GPHN: variants seen among roughly 807,000 people sequenced by gnomAD.
GPHN encodes gephyrin.
A neutral mutation model predicts 95.5 loss-of-function variants in GPHN; 17 were observed. The observed-to-expected ratio is 0.18, with a 90% CI of 0.12 to 0.27. The LOEUF is 0.27. Among genes scored for constraint, GPHN ranks in the 10% least tolerant of loss-of-function variants. The pLI, the probability that GPHN is intolerant of heterozygous loss-of-function variation, is 1.00. For missense variants in GPHN, 660 were observed against 978.1 expected, an observed-to-expected ratio of 0.67 and a Z score of 4.34; for synonymous variants, 320 against 322.5, an observed-to-expected ratio of 0.99 and a Z score of 0.08.
At chr14:66,931,264 G>A (rs557763017) in intron 8 of GPHN, among the ~76,000 whole-genome samples, 2 of 152,088 alleles carry the variant, frequency 1.3e-5, no homozygotes, top group Admixed American at 1.3e-4. Context: ...TTCTCTTGAT[G>A]CTTTTAGGAT....
At chr14:66,962,929 G>A (rs1334382281) in intron 8 of GPHN, among the ~76,000 whole-genome samples, 1 of 151,672 alleles carries the variant, frequency 6.6e-6, no homozygotes, top group East Asian at 1.9e-4. Context: ...CAGCATAATA[G>A]GTATAATCCT....
rs187818250 is a variant in GPHN at position 66,684,750 on chromosome 14, T to C, written c.143+3565T>C. Among the ~76,000 whole-genome samples, 3 of 84,502 alleles carry C rather than the reference T, an allele frequency of 3.6e-5. No homozygotes were observed. The East Asian group carries it at 6.3e-4, about 18-fold the overall frequency. The allele number at this position is 84,502 out of a possible 152,430, so 55.4% of individuals were successfully genotyped here. A position where few individuals can be genotyped will look rare whatever the true frequency, so the allele number is the denominator to read the frequency against. On this transcript the variant is annotated intron_variant, in intron 2 of 22. Transcript: ENST00000478722. ...TTCTGGTCTTGCTACTAACTTTTCT[T>C]TTTTTTTTTTCTTCTTATACTTTAA...
At chr14:66,624,644 G>C (rs918217510) in intron 1 of GPHN, among the ~76,000 whole-genome samples, 21 of 152,230 alleles carry the variant, frequency 1.4e-4, no homozygotes, top group African/African-American at 5.1e-4. Flanking sequence ...TTCAGTCTGT[G>C]TGCCAAATTT....
the GPHN span, among the ~76,000 whole-genome samples, chr14:67,695,154 G>GTA: frequency 6.6e-6 from 1 of 152,188 alleles, no homozygotes; most frequent in Non-Finnish European, 1.5e-5. Flanking sequence ...ACAAGCGATT[G>GTA]TAACAGCAAC....
chr14:67,594,223 C>A, the GPHN span, among the ~76,000 whole-genome samples: 1 of 152,174 alleles, frequency 6.6e-6, no homozygotes, highest in Non-Finnish European at 1.5e-5. Context: ...GTAGCTTGCA[C>A]CTGTAATTCC....
At chr14:66,744,393 T>A (rs1000520083) in intron 2 of GPHN, among the ~76,000 whole-genome samples, 4 of 152,210 alleles carry the variant, frequency 2.6e-5, no homozygotes, top group Non-Finnish European at 4.4e-5. Context: ...CAGCATTACC[T>A]GTAATTTAAA....
At chr14:67,068,303 A>G (rs1298199711) in intron 11 of GPHN, among the ~76,000 whole-genome samples, 1 of 151,964 alleles carries the variant, frequency 6.6e-6, no homozygotes, top group Admixed American at 6.6e-5. Flanking sequence ...TGAATTTTCT[A>G]TTTTCTCTGG....
chr14:67,637,989 C>T, the GPHN span, among the ~76,000 whole-genome samples: 3 of 152,142 alleles, frequency 2.0e-5, no homozygotes, highest in African/African-American at 4.8e-5. Flanking sequence ...TCTCCCGCTG[C>T]CTTGAACCTG....
the GPHN span, among the ~76,000 whole-genome samples, chr14:67,486,297 A>G: frequency 0.018 from 2,799 of 152,214 alleles, 96 homozygotes; most frequent in African/African-American, 0.064. Flanking sequence ...TTGTTTTGAG[A>G]CAGAGTCTTG....
At chr14:67,094,742 A>G (rs554863229) in intron 12 of GPHN, among the ~76,000 whole-genome samples, 1 of 152,340 alleles carries the variant, frequency 6.6e-6, no homozygotes, top group Admixed American at 6.5e-5. Context: ...AGACTCTTAC[A>G]TGATGGTGGT....
chr14:67,035,170 A>G (rs2074361563), intron 10 of GPHN, among the ~76,000 whole-genome samples: 1 of 151,890 alleles, frequency 6.6e-6, no homozygotes. Flanking sequence ...GTCAAAGGAA[A>G]AAAAAATGAG....
At chr14:67,563,896 GCTAA>G in the GPHN span, among the ~76,000 whole-genome samples, 145 of 105,398 alleles carry the variant, frequency 1.4e-3, 1 homozygote, top group Non-Finnish European at 8.3e-4. Flanking sequence ...ACCATGCCCG[GCTAA>G]CTGTTTTTTT....
At chr14:66,822,638 C>T (rs1345102360) in intron 3 of GPHN, among the ~76,000 whole-genome samples, 1 of 152,152 alleles carries the variant, frequency 6.6e-6, no homozygotes, top group Non-Finnish European at 1.5e-5. Flanking sequence ...TGAGGCAAAA[C>T]AGGAGCATTC....
chr14:66,836,033 A>T (rs1419957378), intron 4 of GPHN, among the ~76,000 whole-genome samples: 2 of 137,568 alleles, frequency 1.5e-5, no homozygotes, highest in African/African-American at 3.1e-5. Flanking sequence ...TAATTTACAG[A>T]TTCAATGCCA....
the GPHN span, among the ~76,000 whole-genome samples, chr14:67,683,565 T>C: frequency 4.6e-5 from 7 of 152,298 alleles, no homozygotes; most frequent in African/African-American, 1.4e-4. Flanking sequence ...CCCCTCAATA[T>C]AGTTTGAAGA....
chr14:66,623,477 G>T (rs768524862), intron 1 of GPHN, among the ~76,000 whole-genome samples: 2 of 152,072 alleles, frequency 1.3e-5, no homozygotes, highest in African/African-American at 2.4e-5. Context: ...AATTGGCTGG[G>T]TGTGGTGATG....
the GPHN span, among the ~76,000 whole-genome samples, chr14:67,545,728 G>T: frequency 2.0e-5 from 3 of 152,176 alleles, no homozygotes; most frequent in Non-Finnish European, 4.4e-5. Flanking sequence ...AATTAAAAAT[G>T]AATCAAGTAG....
the GPHN span, among the ~76,000 whole-genome samples, chr14:67,281,235 TTTTC>T: frequency 6.6e-6 from 1 of 152,110 alleles, no homozygotes; most frequent in South Asian, 2.1e-4. Flanking sequence ...CATCATCTTC[TTTTC>T]TTTGTTATAA....
At chr14:66,566,247 A>T (rs2060458226) in intron 1 of GPHN, among the ~76,000 whole-genome samples, 1 of 151,878 alleles carries the variant, frequency 6.6e-6, no homozygotes, top group African/African-American at 2.4e-5. Context: ...TAGCCTACTT[A>T]AAAAAAACCT....
Sources: gnomAD v4.1 joint callset for allele counts (sites outside exome capture counted in the v4.1 genomes callset) on GRCh38, gnomAD v4.1.1 for gene constraint, MANE v1.5 for transcripts, NCBI Gene and HGNC (gene_info 2026-07-23, HGNC 2026-07-21) for gene names.